HMGCLL1: variants seen among roughly 807,000 people sequenced by gnomAD.
HMGCLL1 encodes the protein 3-hydroxy-3-methylglutaryl-CoA lyase like 1, also known as 3-hydroxymethyl-3-methylglutaryl-CoA lyase, cytoplasmic.
Under a neutral mutation model 39.1 loss-of-function variants are expected in HMGCLL1, and 36 were observed. That is an observed-to-expected ratio of 0.92 (90% CI 0.71 to 1.22). HMGCLL1 has a LOEUF of 1.22. Among genes scored for constraint, HMGCLL1 ranks in the 50% most tolerant of loss-of-function variants. The probability of loss-of-function intolerance (pLI) is 0.00; values close to 1 mark genes in which losing one functional copy is unlikely to be tolerated. For synonymous variants in HMGCLL1, 149 were observed against 144.0 expected (o/e 1.03, Z -0.25); for missense variants, 451 against 416.5 (o/e 1.08, Z -0.72).
the HMGCLL1 span, among the ~76,000 whole-genome samples, chr6:55,630,842 T>C: frequency 0.11 from 16,971 of 152,122 alleles, 1,135 homozygotes; most frequent in East Asian, 0.17. Flanking sequence ...TCCCCAGCCA[T>C]GTAGAACTGC....
At chr6:55,639,814 C>G in the HMGCLL1 span, among the ~76,000 whole-genome samples, 19 of 152,176 alleles carry the variant, frequency 1.2e-4, no homozygotes, top group Non-Finnish European at 1.8e-4. Flanking sequence ...CACAGTGGCT[C>G]ACACCTGTAA....
the HMGCLL1 span, among the ~76,000 whole-genome samples, chr6:55,634,211 G>T: frequency 4.5e-3 from 685 of 152,158 alleles, 3 homozygotes; most frequent in African/African-American, 0.016. Context: ...TCATTAGCCA[G>T]ATGACAGATA....
At chr6:55,655,599 T>C in the HMGCLL1 span, among the ~76,000 whole-genome samples, 2 of 146,862 alleles carry the variant, frequency 1.4e-5, no homozygotes, top group African/African-American at 5.0e-5. Context: ...AACTCAAGTT[T>C]CCTTACAAAT....
At chr6:55,481,004 G>T (rs1765716708) in intron 7 of HMGCLL1, among the ~76,000 whole-genome samples, 1 of 151,960 alleles carries the variant, frequency 6.6e-6, no homozygotes, top group South Asian at 2.1e-4. Flanking sequence ...GTAAGGAGTG[G>T]GAATGGTTAA....
intron 5 of HMGCLL1, among the ~76,000 whole-genome samples, chr6:55,510,470 G>T (rs1291675945): frequency 1.3e-5 from 2 of 151,380 alleles, no homozygotes; most frequent in African/African-American, 4.9e-5. Flanking sequence ...CATAAAAAAT[G>T]ATGAGTTCAT....
chr6:55,492,736 G>GTA (rs1393772175), intron 7 of HMGCLL1, among the ~76,000 whole-genome samples: 1 of 152,164 alleles, frequency 6.6e-6, no homozygotes, highest in Non-Finnish European at 1.5e-5. Flanking sequence ...TCTTATCCAT[G>GTA]TATTTACACT....
the HMGCLL1 span, among the ~76,000 whole-genome samples, chr6:55,629,993 A>T: frequency 6.6e-6 from 1 of 152,202 alleles, no homozygotes; most frequent in Non-Finnish European, 1.5e-5. Flanking sequence ...GTCCCCACAC[A>T]GTGTCCCTAT....
Position 55,445,513 on chromosome 6 carries a change from T to C in HMGCLL1, c.796-5954A>G, listed in dbSNP as rs58560263. On this transcript the variant is annotated intron_variant, in intron 7 of 8. Transcript: ENST00000274901. Reference sequence around the variant, plus strand: ...ACCATTGAAATCATATCATTGTGTGTTTGAAAATAATAGACAGGCCACTTA... The same window carrying C: ...ACCATTGAAATCATATCATTGTGTGCTTGAAAATAATAGACAGGCCACTTA... Among the ~76,000 whole-genome samples, 540 of 152,172 alleles carry C rather than the reference T, an allele frequency of 3.5e-3. 6 individuals are homozygous for C. The highest frequency in any genetic ancestry group is 0.013 in the African/African-American group (521 of 41,558).
chr6:55,574,904 A>G (rs1771688789), intron 1 of HMGCLL1, among the ~76,000 whole-genome samples: 1 of 152,044 alleles, frequency 6.6e-6, no homozygotes, highest in Non-Finnish European at 1.5e-5. Flanking sequence ...AATGTAAAAT[A>G]ACTATAAATT....
chr6:55,649,804 A>G, the HMGCLL1 span, among the ~76,000 whole-genome samples: 9 of 151,236 alleles, frequency 6.0e-5, no homozygotes, highest in African/African-American at 2.2e-4. Context: ...CTGACTATGT[A>G]TTTTCAGGTA....
chr6:55,669,861 A>G, the HMGCLL1 span, among the ~76,000 whole-genome samples: 1 of 151,820 alleles, frequency 6.6e-6, no homozygotes, highest in African/African-American at 2.4e-5. Context: ...GGAAATGTGG[A>G]GCAACAGCAA....
the HMGCLL1 span, among the ~76,000 whole-genome samples, chr6:55,617,428 A>T: frequency 6.6e-6 from 1 of 152,074 alleles, no homozygotes; most frequent in African/African-American, 2.4e-5. Flanking sequence ...AACCATGCTA[A>T]ATGAAACCAA....
At chr6:55,634,414 C>G in the HMGCLL1 span, among the ~76,000 whole-genome samples, 1 of 152,030 alleles carries the variant, frequency 6.6e-6, no homozygotes, top group South Asian at 2.1e-4. Context: ...GCTTTTGCTA[C>G]TTGACTTTAG....
At chr6:55,505,918 CAT>C (rs1378321290) in intron 5 of HMGCLL1, among the ~76,000 whole-genome samples, 9 of 151,684 alleles carry the variant, frequency 5.9e-5, no homozygotes, top group Non-Finnish European at 1.3e-4. Context: ...AATATTTAAA[CAT>C]ATGTGGGGCT....
At chr6:55,557,167 C>T (rs937770112) in intron 1 of HMGCLL1, among the ~76,000 whole-genome samples, 3 of 152,156 alleles carry the variant, frequency 2.0e-5, no homozygotes, top group Non-Finnish European at 4.4e-5. Flanking sequence ...TCTACAGACA[C>T]TAATTTATAC....
chr6:55,513,230 T>G (rs1182116685), intron 5 of HMGCLL1: 1 of 152,140 alleles, frequency 6.6e-6, no homozygotes, highest in East Asian at 1.9e-4. Context: ...TAACCATGTT[T>G]GGTATACCAT....
chr6:55,540,058 CA>C (rs1769331325), intron 3 of HMGCLL1, among the ~76,000 whole-genome samples: 1 of 82,616 alleles, frequency 1.2e-5, no homozygotes, highest in Admixed American at 1.3e-4. Context: ...GGGAAGGAAG[CA>C]AAGGAGGGAA....
At chr6:55,472,180 G>T (rs1200078496) in intron 7 of HMGCLL1, among the ~76,000 whole-genome samples, 1 of 151,612 alleles carries the variant, frequency 6.6e-6, no homozygotes, top group Non-Finnish European at 1.5e-5. Flanking sequence ...GAATGGAATT[G>T]TTGGGTTCTA....
At chr6:55,657,163 G>T in the HMGCLL1 span, among the ~76,000 whole-genome samples, 1 of 151,892 alleles carries the variant, frequency 6.6e-6, no homozygotes, top group Admixed American at 6.6e-5. Context: ...TTTTTACTCT[G>T]TTCATAGTTT....
Sources: allele counts gnomAD v4.1 joint callset (sites outside exome capture counted in the v4.1 genomes callset), GRCh38; gene constraint gnomAD v4.1.1; transcripts MANE v1.5; gene names NCBI Gene and HGNC (gene_info 2026-07-23, HGNC 2026-07-21).